ZNF566: variants seen among roughly 807,000 people sequenced by gnomAD.
ZNF566 encodes the protein zinc finger protein 566.
Under a neutral mutation model 32.8 loss-of-function variants are expected in ZNF566, and 27 were observed. The ratio of observed to expected loss-of-function variants is 0.82; its 90% confidence interval spans 0.61 to 1.14. ZNF566 has a LOEUF of 1.14. Ranked by LOEUF, ZNF566 falls within the 50% of genes most tolerant of loss-of-function variation. The pLI, the probability that ZNF566 is intolerant of heterozygous loss-of-function variation, is 0.00. For synonymous variants in ZNF566, 154 were observed against 159.5 expected, an observed-to-expected ratio of 0.97 and a Z score of 0.26; for missense variants, 402 against 490.4, an observed-to-expected ratio of 0.82 and a Z score of 1.70.
chr19:36,450,151 G>A (rs546539647), intron 4 of ZNF566, 150 bp from the exon 5 acceptor site: 4 of 661,944 alleles, frequency 6.0e-6, no homozygotes, highest in Admixed American at 3.0e-5. Context: ...TAAGATGAGG[G>A]TAGTGATTAG....
chr19:36,477,747 A>G (rs2033933088), intron 1 of ZNF566, among the ~76,000 whole-genome samples: 1 of 152,014 alleles, frequency 6.6e-6, no homozygotes, highest in Admixed American at 6.6e-5. Flanking sequence ...CATGTTGGCC[A>G]GGCTGGTCTC....
At chr19:36,477,007 ATTTT>A (rs372994203) in intron 1 of ZNF566, among the ~76,000 whole-genome samples, 1 of 149,884 alleles carries the variant, frequency 6.7e-6, no homozygotes, top group Non-Finnish European at 1.5e-5. Flanking sequence ...ATATAACTTA[ATTTT>A]TTTTTTCTTT....
At chr19:36,453,012 G>A (rs1473984747) in intron 4 of ZNF566, among the ~76,000 whole-genome samples, 2 of 151,784 alleles carry the variant, frequency 1.3e-5, no homozygotes, top group Non-Finnish European at 2.9e-5. Context: ...CAGCTACTCA[G>A]CAGGGTGAGG....
At chr19:36,461,219 T>C (rs1008022214) in intron 4 of ZNF566, among the ~76,000 whole-genome samples, 1 of 152,314 alleles carries the variant, frequency 6.6e-6, no homozygotes, top group Admixed American at 6.5e-5. Flanking sequence ...TTAAATCCCC[T>C]GATAGCTTGA....
At chr19:36,488,136 G>A (rs1344195838) in intron 1 of ZNF566, among the ~76,000 whole-genome samples, 1 of 152,054 alleles carries the variant, frequency 6.6e-6, no homozygotes, top group Non-Finnish European at 1.5e-5. Context: ...AGGCTGAAGG[G>A]CAGTGGTATG....
At chr19:36,484,746 T>G (rs1334521992) in intron 1 of ZNF566, among the ~76,000 whole-genome samples, 1 of 151,908 alleles carries the variant, frequency 6.6e-6, no homozygotes, top group African/African-American at 2.4e-5. Flanking sequence ...CCCACCACCA[T>G]GCCCAGCTAA....
chr19:36,484,273 A>G (rs896293252), intron 1 of ZNF566, among the ~76,000 whole-genome samples: 1 of 152,232 alleles, frequency 6.6e-6, no homozygotes, highest in African/African-American at 2.4e-5. Context: ...TTACAGGCAC[A>G]TACACTGTTA....
Position 36,449,798 on chromosome 19 carries a change from G to A in ZNF566, c.436C>T (p.His146Tyr). 6.2e-7 allele frequency: 1 copy of A among 1,614,122 alleles called. No homozygotes were observed. Among genetic ancestry groups the A allele is most frequent in the Non-Finnish European group, 8.5e-7 (1 of 1,180,012 alleles). Residue 146 changes from histidine to tyrosine, a missense_variant, in exon 5 of 5, where the codon CAT becomes TAT. Coordinates refer to ENST00000452939, the MANE Select transcript of ZNF566 (RefSeq NM_001145344.1). ...GGHFNQLVFT[H>Y]EDLPTLSHHP... ...TGACTCAAAGTGGGCAGATCTTCATGAGTGAATACCAATTGATTGAAATGT... is the reference window on the plus strand; with the variant it reads ...TGACTCAAAGTGGGCAGATCTTCATAAGTGAATACCAATTGATTGAAATGT...
In ZNF566 at chr19:36,448,405, G is replaced by A. The variant is rs1365114169; in HGVS notation, c.*572C>T. The A allele has an allele frequency of 2.6e-5, 4 of 152,088 alleles. No homozygotes were observed. The highest frequency in any genetic ancestry group is 4.8e-5 in the African/African-American group (2 of 41,418). The allele number at this position is 152,088 out of a possible 1,614,324, so 9.4% of individuals were successfully genotyped here. A position where few individuals can be genotyped will look rare whatever the true frequency, so the allele number is the denominator to read the frequency against. On this transcript the variant is annotated 3_prime_UTR_variant, in exon 5 of 5. Coordinates refer to ENST00000452939, the MANE Select transcript of ZNF566 (RefSeq NM_001145344.1). Reference sequence around the variant, plus strand: ...ATGAAGATAATGAAGAATCTCTATTGAGTAAAATGTCGTTCATGAACATTT... The same window carrying A: ...ATGAAGATAATGAAGAATCTCTATTAAGTAAAATGTCGTTCATGAACATTT...
At chr19:36,450,469 C>T (rs945051486) in intron 4 of ZNF566, among the ~76,000 whole-genome samples, 7 of 152,050 alleles carry the variant, frequency 4.6e-5, no homozygotes, top group Non-Finnish European at 1.0e-4. Context: ...CATGGTGAAA[C>T]CTGTCTCTAC....
chr19:36,477,540 TGTTTG>T lies in ZNF566; in HGVS notation c.-59-929_-59-925del, dbSNP rs768311417. Among the ~76,000 whole-genome samples, 59 of 86,136 alleles carry T rather than the reference TGTTTG, an allele frequency of 6.8e-4. 8 individuals carry two copies. Among genetic ancestry groups the T allele is most frequent in the Non-Finnish European group, 7.9e-4 (29 of 36,566 alleles). 56.5% of individuals were successfully genotyped at this position (86,136 alleles called of 152,430 possible). A position where few individuals can be genotyped will look rare whatever the true frequency, so the allele number is the denominator to read the frequency against. On this transcript the variant is annotated intron_variant, in intron 1 of 4. Transcript: ENST00000452939. ...TTTCTGTTTCTGTTTTTTTTTTGTT[TGTTTG>T]TTTGTTTTTTTGAGACGGAGTCTTG... is the stretch of plus-strand genomic sequence containing the variant.
rs960756950 is a variant in ZNF566, at chr19:36,476,640, A to G, written c.-59-24T>C. 5 of 1,587,378 alleles carry G rather than the reference A, an allele frequency of 3.1e-6. No homozygotes were observed. In the African/African-American group the frequency reaches 5.4e-5, roughly 17 times the overall value. On this transcript the variant is annotated intron_variant, in intron 1 of 4. Transcript: ENST00000452939. ...AGCTGGGAGAGGCAAAAGAAGATAG[A>G]TAAGACCCCACTTTCCTCACAGCTC...
chr19:36,472,161 T>C (rs920548168), intron 4 of ZNF566, among the ~76,000 whole-genome samples: 6 of 152,188 alleles, frequency 3.9e-5, no homozygotes, highest in South Asian at 2.1e-4. Context: ...TCCTCCTTCA[T>C]ACCAAATCTC....
chr19:36,476,600 T>C lies in ZNF566; in HGVS notation c.-43A>G. The C allele has an allele frequency of 6.2e-7, 1 of 1,613,018 alleles. No individual in the cohort carries two copies. The highest frequency in any genetic ancestry group is 8.5e-7 in the Non-Finnish European group (1 of 1,179,534). ...AAAAGGACCTTCTCTTGGCTCTTCTTTTGGAGAAGGGTAGAGCTGGGAGAG... is the reference window on the plus strand; with the variant it reads ...AAAAGGACCTTCTCTTGGCTCTTCTCTTGGAGAAGGGTAGAGCTGGGAGAG... On this transcript the variant is annotated 5_prime_UTR_variant, in exon 2 of 5. Coordinates refer to ENST00000452939, the MANE Select transcript of ZNF566 (RefSeq NM_001145344.1).
intron 1 of ZNF566, among the ~76,000 whole-genome samples, chr19:36,477,526 G>GT (rs767741591): frequency 0.014 from 1,473 of 106,778 alleles, 251 homozygotes; most frequent in African/African-American, 0.039. Context: ...TTCTGTTTCT[G>GT]TTTTTTTTTT....
intron 2 of ZNF566, among the ~76,000 whole-genome samples, chr19:36,474,650 G>A (rs1414500915): frequency 6.6e-6 from 1 of 152,002 alleles, no homozygotes; most frequent in African/African-American, 2.4e-5. Flanking sequence ...TCTTGGAGTG[G>A]GTCTGGTAAC....
intron 1 of ZNF566, among the ~76,000 whole-genome samples, chr19:36,484,705 A>T (rs1443272339): frequency 2.8e-5 from 4 of 145,300 alleles, no homozygotes; most frequent in Non-Finnish European, 6.0e-5. Flanking sequence ...TTCTCCTGCC[A>T]GAGCCTCCCG....
At position 36,449,838 on chromosome 19, in the gene ZNF566, G is replaced by A. The variant is rs752029416; in HGVS notation, c.396C>T (p.Leu132=). Reference sequence around the variant, plus strand: ...GATTGAAATGTCCCCCCTGAGAGCCGAGTTCTTTCTTAAACTGCCGATTAC... The same window carrying A: ...GATTGAAATGTCCCCCCTGAGAGCCAAGTTCTTTCTTAAACTGCCGATTAC... The part of the protein sequence containing the change: ...WECNRQFKKE[L]GSQGGHFNQL... Residue 132 remains leucine (L), a synonymous_variant, in exon 5 of 5, where the codon CTC becomes CTT. Transcript: ENST00000452939. 1.9e-5 allele frequency: 30 copies of A among 1,614,108 alleles called. No homozygotes were observed. Among genetic ancestry groups the A allele is most frequent in the Admixed American group, 1.2e-4 (7 of 60,012 alleles).
chr19:36,455,640 T>C (rs1480307788), intron 4 of ZNF566, among the ~76,000 whole-genome samples: 2 of 152,074 alleles, frequency 1.3e-5, no homozygotes, highest in Non-Finnish European at 2.9e-5. Context: ...CTCAGGAGGC[T>C]GAGGCACGAG....
Sources: gnomAD v4.1 joint callset for allele counts (sites outside exome capture counted in the v4.1 genomes callset) on GRCh38, gnomAD v4.1.1 for gene constraint, MANE v1.5 for transcripts, NCBI Gene and HGNC (gene_info 2026-07-23, HGNC 2026-07-21) for gene names.